The following RNF6 variants were observed in gnomAD, a reference collection of about 807,000 sequenced individuals.
RNF6 encodes the protein ring finger protein 6, also known as E3 ubiquitin-protein ligase RNF6.
RNF6 carries 21 observed loss-of-function variants against 50.1 expected under a neutral mutation model. The observed-to-expected ratio is 0.42, with a 90% CI of 0.30 to 0.60. The LOEUF (loss-of-function observed/expected upper bound fraction) is 0.60. Among genes scored for constraint, RNF6 ranks in the 20% least tolerant of loss-of-function variants. The pLI is 0.20. For missense variants in RNF6, 698 were observed against 838.2 expected (o/e 0.83, Z 2.07); for synonymous variants, 255 against 291.8 (o/e 0.87, Z 1.29).
Position 26,214,054 on chromosome 13 carries a change from GCT to G in RNF6, c.1826_1827del (p.Glu609AlafsTer3), listed in dbSNP as rs754209241. ...TGCCTGGTGGAAAGATTGTCAATCT[GCT>G]CTTTGGTTAAACCACGTATTCGATC... ...DDDRIRGLTK[E>X]QIDNLSTRHY... On this transcript the variant is annotated frameshift_variant, in exon 5 of 5. Transcript: ENST00000381588. LOFTEE classifies it high-confidence loss of function. 1 of 1,614,138 alleles carries G rather than the reference GCT, an allele frequency of 6.2e-7. No homozygotes were observed. The highest frequency in any genetic ancestry group is 1.1e-5 in the South Asian group (1 of 91,086).
At position 26,214,433 on chromosome 13, in the gene RNF6, A is replaced by T. The variant is rs769663402; in HGVS notation, c.1449T>A (p.Ile483=). 2 of 1,614,128 alleles carry T rather than the reference A, an allele frequency of 1.2e-6. No homozygotes were observed. Among genetic ancestry groups the T allele is most frequent in the Admixed American group, 1.7e-5 (1 of 60,022 alleles). Residue 483 remains isoleucine, a synonymous_variant, in exon 5 of 5, where the codon ATT becomes ATA. Transcript: ENST00000381588. ...CAAACCCAGTCATGATCTGCCTTAA[A>T]ATTGACCGAAGAGCCACTGATGATG... ...VEPSSVALRS[I]LRQIMTGFGE...
intron 5 of RNF6, among the ~76,000 whole-genome samples, chr13:26,173,928 C>G (rs1271306405): frequency 1.8e-5 from 2 of 111,950 alleles, no homozygotes; most frequent in African/African-American, 7.2e-5. Flanking sequence ...TCCAGCCTGG[C>G]AACAGAGCGA....
downstream of RNF6, among the ~76,000 whole-genome samples, chr13:26,208,045 A>G (rs560369936): frequency 2.6e-5 from 4 of 152,316 alleles, no homozygotes; most frequent in South Asian, 8.3e-4. Context: ...GCAATCACAA[A>G]TGTGGTCCTA....
chr13:26,205,618 G>A lies in RNF6; in HGVS notation n.768+9856C>T, dbSNP rs778481024. Among the ~76,000 whole-genome samples, 18 of 152,062 alleles carry A rather than the reference G, an allele frequency of 1.2e-4. No individual in the cohort carries two copies. The East Asian group carries it at 2.7e-3, about 23-fold the overall frequency. ...CATGTAATATATTGAATAGGAAGGTGTTTACTAACATCAGTTGCCAAGACA... is the reference window on the plus strand; with the variant it reads ...CATGTAATATATTGAATAGGAAGGTATTTACTAACATCAGTTGCCAAGACA... On this transcript the variant is annotated intron_variant and non_coding_transcript_variant, in intron 5 of 5. Transcript: ENST00000468480.
Position 26,177,912 on chromosome 13 carries a change from G to T in RNF6, n.768+37562C>A, listed in dbSNP as rs182414226. Among the ~76,000 whole-genome samples the T allele has an allele frequency of 1.6e-3, 250 of 152,334 alleles. 1 individual carries two copies. Among genetic ancestry groups the T allele is most frequent in the African/African-American group, 4.6e-3 (191 of 41,586 alleles). The stretch of plus-strand genomic sequence containing the variant: ...TTAAAAACACTACTGTCAACTGGGT[G>T]CAGTGGCTCATGTCTGTAATCCCAG... On this transcript the variant is annotated intron_variant and non_coding_transcript_variant, in intron 5 of 5. Transcript: ENST00000468480.
Position 26,214,187 on chromosome 13 carries a change from A to G in RNF6, c.1695T>C (p.Ser565=). 1.2e-6 allele frequency: 2 copies of G among 1,614,124 alleles called. No individual in the cohort carries two copies. The highest frequency in any genetic ancestry group is 1.7e-6 in the Non-Finnish European group (2 of 1,180,028). ...GATTTCGCAACTGCCTGCCACCCCTACTGTCACTGTTTCGAGTATGAGGCT... is the reference window on the plus strand; with the variant it reads ...GATTTCGCAACTGCCTGCCACCCCTGCTGTCACTGTTTCGAGTATGAGGCT... ...TTQPHTRNSD[S]RGGRQLRNPN... Residue 565 remains serine (S), a synonymous_variant, in exon 5 of 5, where the codon AGT becomes AGC. Coordinates refer to ENST00000381588, the MANE Select transcript of RNF6 (RefSeq NM_005977.4).
intron 5 of RNF6, among the ~76,000 whole-genome samples, chr13:26,206,206 C>A (rs1869101491): frequency 6.7e-6 from 1 of 149,838 alleles, no homozygotes; most frequent in African/African-American, 2.4e-5. Flanking sequence ...CTCCCCACTG[C>A]CCCCCGTCCC....
chr13:26,207,477 GTGA>G lies in RNF6; in HGVS notation n.768+7994_768+7996del, dbSNP rs573005617. 5.3e-4 allele frequency among the ~76,000 whole-genome samples: 80 copies of G among 152,122 alleles called. 1 individual carries two copies. The South Asian group carries it at 0.013, about 25-fold the overall frequency. On this transcript the variant is annotated intron_variant and non_coding_transcript_variant, in intron 5 of 5. Transcript: ENST00000468480. ...TTGAGAGATGATGGCAAGAATCTAT[GTGA>G]GAAATAGTGACAACCCTAAGACAAT...
intron 5 of RNF6, among the ~76,000 whole-genome samples, chr13:26,176,784 A>G (rs1012509687): frequency 6.6e-6 from 1 of 152,148 alleles, no homozygotes; most frequent in South Asian, 2.1e-4. Context: ...AAATACAAAA[A>G]TTAGCCAAGT....
At chr13:26,166,234 G>A (rs1872445977) in intron 5 of RNF6, among the ~76,000 whole-genome samples, 1 of 152,056 alleles carries the variant, frequency 6.6e-6, no homozygotes, top group Non-Finnish European at 1.5e-5. Context: ...ATGATTGTGG[G>A]GCCTCCCCAG....
chr13:26,213,178 C>T lies in RNF6; in HGVS notation c.*646G>A, dbSNP rs1347254128. On this transcript the variant is annotated 3_prime_UTR_variant, in exon 5 of 5. Transcript: ENST00000381588. Reference sequence around the variant, plus strand: ...TCTACTTTAAAATTATATCTGAATCCCCTTTCTCTGAGATGAACTTGCCAA... The same window carrying T: ...TCTACTTTAAAATTATATCTGAATCTCCTTTCTCTGAGATGAACTTGCCAA... 6.6e-6 allele frequency: 1 copy of T among 152,478 alleles called. No individual in the cohort carries two copies. The highest frequency in any genetic ancestry group is 2.4e-5 in the African/African-American group (1 of 41,406). The allele number at this position is 152,478 out of a possible 1,614,324, so 9.4% of individuals were successfully genotyped here.
intron 5 of RNF6, among the ~76,000 whole-genome samples, chr13:26,176,546 G>C (rs1872966663): frequency 6.6e-6 from 1 of 152,198 alleles, no homozygotes; most frequent in Admixed American, 6.5e-5. Context: ...CTGTGAATGT[G>C]ACTTTATTTG....
intron 1 of RNF6, 109 bp from the exon 2 acceptor site, chr13:26,221,439 G>A (rs927432338): frequency 3.3e-5 from 5 of 152,160 alleles, no homozygotes; most frequent in African/African-American, 4.8e-5. Flanking sequence ...ATTCTCCAGT[G>A]GATTTTGTTA....
rs1334900078 is a variant in RNF6, at chr13:26,212,927, T to C, written c.*897A>G. 3 of 152,554 alleles carry C rather than the reference T, an allele frequency of 2.0e-5. No individual in the cohort carries two copies. Among genetic ancestry groups the C allele is most frequent in the African/African-American group, 7.2e-5 (3 of 41,420 alleles). The allele number at this position is 152,554 out of a possible 1,614,324, so 9.5% of individuals were successfully genotyped here. A position where few individuals can be genotyped will look rare whatever the true frequency, so the allele number is the denominator to read the frequency against. On this transcript the variant is annotated 3_prime_UTR_variant, in exon 5 of 5. Coordinates refer to ENST00000381588, the MANE Select transcript of RNF6 (RefSeq NM_005977.4). ...CATATTGCCTATGCATCTGATTCTTTATAGACTTTTAGATTTTAAAACTAA... is the reference window on the plus strand; with the variant it reads ...CATATTGCCTATGCATCTGATTCTTCATAGACTTTTAGATTTTAAAACTAA...
chr13:26,152,456 A>G (rs1871671141), intron 5 of RNF6, among the ~76,000 whole-genome samples: 1 of 152,230 alleles, frequency 6.6e-6, no homozygotes, highest in African/African-American at 2.4e-5. Context: ...CCCCCAAGCC[A>G]GAAGCAGGCT....
At chr13:26,217,573 G>A (rs1870024154) in intron 4 of RNF6, among the ~76,000 whole-genome samples, 1 of 152,186 alleles carries the variant, frequency 6.6e-6, no homozygotes, top group Non-Finnish European at 1.5e-5. Context: ...ATATGGTTGC[G>A]ACTTACCTTG....
intron 5 of RNF6, among the ~76,000 whole-genome samples, chr13:26,135,886 G>A (rs1026681103): frequency 2.6e-5 from 4 of 152,132 alleles, no homozygotes; most frequent in Middle Eastern, 3.4e-3. Flanking sequence ...CTCCTCCCTC[G>A]CTCTCTTGCT....
intron 5 of RNF6, among the ~76,000 whole-genome samples, chr13:26,139,878 C>T: frequency 6.6e-6 from 1 of 151,700 alleles, no homozygotes. Flanking sequence ...TCACTGTGTC[C>T]CCCAGGGTGA....
chr13:26,135,269 A>C (rs1870591641), intron 5 of RNF6, among the ~76,000 whole-genome samples: 1 of 152,246 alleles, frequency 6.6e-6, no homozygotes, highest in South Asian at 2.1e-4. Flanking sequence ...TAATAGCTTC[A>C]AAACAATATG....
Sources: allele counts gnomAD v4.1 joint callset (sites outside exome capture counted in the v4.1 genomes callset), GRCh38; gene constraint gnomAD v4.1.1; transcripts MANE v1.5; gene names NCBI Gene and HGNC (gene_info 2026-07-23, HGNC 2026-07-21).